Variants in TRADD observed in about 807,000 individuals in gnomAD.
TRADD encodes the protein TNFRSF1A associated via death domain, also known as tumor necrosis factor receptor type 1-associated DEATH domain protein.
A neutral mutation model predicts 31.5 loss-of-function variants in TRADD; 14 were observed. The ratio of observed to expected loss-of-function variants is 0.44; its 90% CI spans 0.29 to 0.69. TRADD has a LOEUF of 0.69. Ranked by LOEUF, TRADD falls within the 30% of genes least tolerant of loss-of-function variation. TRADD has a pLI of 0.11. For synonymous variants in TRADD, 220 were observed against 215.8 expected, an observed-to-expected ratio of 1.02 and a Z score of -0.17; for missense variants, 388 against 435.7, an observed-to-expected ratio of 0.89 and a Z score of 0.97.
At position 67,156,486 on chromosome 16, in the gene TRADD, C is replaced by G. The variant is rs772859842; in HGVS notation, c.151+24G>C. ...AATGCTCCAGGCCACCCCTTCCTCT[C>G]CACATGCCCGCCCATCCACGCACCT... On this transcript the variant is annotated intron_variant, in intron 2 of 4. Coordinates refer to ENST00000345057, the MANE Select transcript of TRADD (RefSeq NM_003789.4). This position sits in a 1 kb window ranked among gnomAD's most constrained non-coding sequence, Gnocchi z 4.6. 8.7e-6 allele frequency: 14 copies of G among 1,608,484 alleles called. No individual in the cohort carries two copies. The Admixed American group carries it at 2.3e-4, about 27-fold the overall frequency.
chr16:67,156,268 A>AG lies in TRADD; in HGVS notation c.151+241dup. The AG allele has an allele frequency of 4.1e-6, 5 of 1,220,192 alleles. No individual in the cohort carries two copies. The highest frequency in any genetic ancestry group is 4.5e-6 in the Non-Finnish European group (4 of 882,310). The allele number at this position is 1,220,192 out of a possible 1,614,324, so 75.6% of individuals were successfully genotyped here. A position where few individuals can be genotyped will look rare whatever the true frequency, so the allele number is the denominator to read the frequency against. On this transcript the variant is annotated intron_variant, in intron 2 of 4. Coordinates refer to ENST00000345057, the MANE Select transcript of TRADD (RefSeq NM_003789.4). The surrounding 1 kb of genome is among the most constrained non-coding windows in gnomAD (Gnocchi z 4.6). Reference sequence around the variant, plus strand: ...TAGAAAGGAGTGAGCCGGCTGGTGGAGGGGGGCGGGGATGGAGCAAAGGAC... The same window carrying AG: ...TAGAAAGGAGTGAGCCGGCTGGTGGAGGGGGGGCGGGGATGGAGCAAAGGAC...
intron 4 of TRADD, 42 bp downstream of exon 4, chr16:67,155,054 C>G (rs749642005): frequency 7.2e-6 from 11 of 1,538,164 alleles, no homozygotes; most frequent in Non-Finnish European, 9.6e-6. Flanking sequence ...CCTCCCCAGA[C>G]TCCAACCTCC....
In TRADD at chr16:67,156,268, A is replaced by G; in HGVS notation, c.151+242T>C. 1.6e-6 allele frequency: 2 copies of G among 1,220,192 alleles called. No homozygotes were observed. The highest frequency in any genetic ancestry group is 2.3e-6 in the Non-Finnish European group (2 of 882,310). The allele number at this position is 1,220,192 out of a possible 1,614,324, so 75.6% of individuals were successfully genotyped here. A position where few individuals can be genotyped will look rare whatever the true frequency, so the allele number is the denominator to read the frequency against. ...TAGAAAGGAGTGAGCCGGCTGGTGG[A>G]GGGGGGCGGGGATGGAGCAAAGGAC... is the stretch of plus-strand genomic sequence containing the variant. On this transcript the variant is annotated intron_variant, in intron 2 of 4. Transcript: ENST00000345057. This position sits in a 1 kb window ranked among gnomAD's most constrained non-coding sequence, Gnocchi z 4.6.
Position 67,154,203 on chromosome 16 carries a change from G to A in TRADD, c.*446C>T, listed in dbSNP as rs2030565194. 2 of 232,546 alleles carry A rather than the reference G, an allele frequency of 8.6e-6. No individual in the cohort carries two copies. Among genetic ancestry groups the A allele is most frequent in the South Asian group, 5.7e-5 (1 of 17,564 alleles). The allele number at this position is 232,546 out of a possible 1,614,324, so 14.4% of individuals were successfully genotyped here. On this transcript the variant is annotated 3_prime_UTR_variant, in exon 5 of 5. Transcript: ENST00000345057. This position sits in a 1 kb window ranked among gnomAD's most constrained non-coding sequence, Gnocchi z 5.2. The stretch of plus-strand genomic sequence containing the variant: ...ACTTGTATTTCTCACATCAAAATCC[G>A]TGTTATACTTTATTATCATTGCTTA...
At chr16:67,158,883 G>A (rs1199848954) in intron 1 of TRADD, among the ~76,000 whole-genome samples, 1 of 152,154 alleles carries the variant, frequency 6.6e-6, no homozygotes, top group Non-Finnish European at 1.5e-5. Flanking sequence ...TGACTTGAGA[G>A]TGCTTGACTT....
At position 67,155,590 on chromosome 16, in the gene TRADD, G is replaced by A; in HGVS notation, c.216C>T (p.Ile72=). The A allele has an allele frequency of 6.5e-7, 1 of 1,548,694 alleles. No individual in the cohort carries two copies. Among genetic ancestry groups the A allele is most frequent in the Non-Finnish European group, 8.7e-7 (1 of 1,154,782 alleles). ...GCCGCCCGCAGAATCGCAGCTGCAC[G>A]ATCAGCTGCGGGTCGCTGCGGTGGA... ...LKIHRSDPQL[I]VQLRFCGRQP... Residue 72 remains isoleucine, a synonymous_variant, in exon 3 of 5, where the codon ATC becomes ATT. Coordinates refer to ENST00000345057, the MANE Select transcript of TRADD (RefSeq NM_003789.4).
intron 2 of TRADD, chr16:67,155,962 C>T (rs1475436566): frequency 2.0e-5 from 29 of 1,454,244 alleles, no homozygotes; most frequent in Non-Finnish European, 2.6e-5. Flanking sequence ...GGGCGTGTGC[C>T]CTGGGCAAAC....
rs1339689186 is a variant in TRADD, at chr16:67,155,300, G to A, written c.430-6C>T. Reference sequence around the variant, plus strand: ...TCATCCCGGAGCCGGTCGGGCTAGGGGAATGGAACGTGCCGTCACGGGGGA... The same window carrying A: ...TCATCCCGGAGCCGGTCGGGCTAGGAGAATGGAACGTGCCGTCACGGGGGA... On this transcript the variant is annotated splice_polypyrimidine_tract_variant and splice_region_variant and intron_variant, in intron 3 of 4. Coordinates refer to ENST00000345057, the MANE Select transcript of TRADD (RefSeq NM_003789.4). 1.2e-6 allele frequency: 2 copies of A among 1,610,160 alleles called. No homozygotes were observed. The highest frequency in any genetic ancestry group is 2.7e-5 in the African/African-American group (2 of 74,920).
In TRADD at chr16:67,159,421, G is replaced by C. The variant is rs2030820052; in HGVS notation, c.-9+417C>G. On this transcript the variant is annotated intron_variant, in intron 1 of 4. Transcript: ENST00000345057. This position sits in a 1 kb window ranked among gnomAD's most constrained non-coding sequence, Gnocchi z 6.8. The stretch of plus-strand genomic sequence containing the variant: ...CAGAACTGAAAGCCTGTGACTCCTT[G>C]CGACCCGCCGGGCACACCCCCTACT... Among the ~76,000 whole-genome samples, 1 of 152,188 alleles carries C rather than the reference G, an allele frequency of 6.6e-6. No homozygotes were observed. The highest frequency in any genetic ancestry group is 6.5e-5 in the Admixed American group (1 of 15,282).
rs1210968864 is a variant in TRADD at position 67,155,503 on chromosome 16, C to T, written c.303G>A (p.Arg101=). The T allele has an allele frequency of 1.9e-5, 30 of 1,546,204 alleles. No homozygotes were observed. Among genetic ancestry groups the T allele is most frequent in the Non-Finnish European group, 2.6e-5 (30 of 1,153,012 alleles). The change falls in exon 3 of 5, where the codon AGG becomes AGA. Residue 101 remains arginine, a synonymous_variant. Coordinates refer to ENST00000345057, the MANE Select transcript of TRADD (RefSeq NM_003789.4). ...GCTGGGCGAGCGCGGCCGCCAGGCT[C>T]CTCTGCAGCGCGGCGCGCAGCGCCC... is the stretch of plus-strand genomic sequence containing the variant. The part of the protein sequence containing the change: ...REGALRAALQ[R]SLAAALAQHS...
chr16:67,155,920 C>A, intron 2 of TRADD: 1 of 1,514,560 alleles, frequency 6.6e-7, no homozygotes, highest in Non-Finnish European at 8.8e-7. Flanking sequence ...TGAGGGTTGG[C>A]AAAAGAGAGG....
At position 67,159,239 on chromosome 16, in the gene TRADD, T is replaced by C. The variant is rs2030811893; in HGVS notation, c.-9+599A>G. Among the ~76,000 whole-genome samples, 1 of 152,216 alleles carries C rather than the reference T, an allele frequency of 6.6e-6. No individual in the cohort carries two copies. Among genetic ancestry groups the C allele is most frequent in the Non-Finnish European group, 1.5e-5 (1 of 68,038 alleles). ...TTCCAGGCTGGGTCCTGAGAAAGTTTGGTGGCCGGAGACTGTGGGGCGCTT... is the reference window on the plus strand; with the variant it reads ...TTCCAGGCTGGGTCCTGAGAAAGTTCGGTGGCCGGAGACTGTGGGGCGCTT... On this transcript the variant is annotated intron_variant, in intron 1 of 4. Coordinates refer to ENST00000345057, the MANE Select transcript of TRADD (RefSeq NM_003789.4). The surrounding 1 kb of genome is among the most constrained non-coding windows in gnomAD (Gnocchi z 6.8).
chr16:67,158,378 C>G (rs1194895340), intron 1 of TRADD, among the ~76,000 whole-genome samples: 1 of 152,176 alleles, frequency 6.6e-6, no homozygotes, highest in Non-Finnish European at 1.5e-5. Context: ...GTTGCCCAGG[C>G]TGGTCTCAAA....
chr16:67,157,986 T>C (rs1301145871), intron 1 of TRADD, among the ~76,000 whole-genome samples: 1 of 131,112 alleles, frequency 7.6e-6, no homozygotes, highest in Non-Finnish European at 1.5e-5. Context: ...ACTCCTGTAC[T>C]CTCATCAGGG....
rs2030570997 is a variant in TRADD, at chr16:67,154,367, G to C, written c.*282C>G. On this transcript the variant is annotated 3_prime_UTR_variant, in exon 5 of 5. Transcript: ENST00000345057. This position sits in a 1 kb window ranked among gnomAD's most constrained non-coding sequence, Gnocchi z 5.2. ...GGTGCTTCATGAGTGAAACTGTAAG[G>C]GCTGGCTGTAAGCCCCGCTTCTGGG... 2 of 558,736 alleles carry C rather than the reference G, an allele frequency of 3.6e-6. No homozygotes were observed. Among genetic ancestry groups the C allele is most frequent in the African/African-American group, 3.8e-5 (2 of 53,006 alleles). 34.6% of individuals were successfully genotyped at this position (558,736 alleles called of 1,614,324 possible). A position where few individuals can be genotyped will look rare whatever the true frequency, so the allele number is the denominator to read the frequency against.
Position 67,154,861 on chromosome 16 carries a change from C to A in TRADD, c.727G>T (p.Ala243Ser). ...GAGTCCAGCGCCGGGTCCCGCAGCG[C>A]CCGGCAGCCTCGCTGCAGTGAGCGC... ...VGRSLQRGCR[A>S]LRDPALDSLA... The change falls in exon 5 of 5, where the codon GCG (alanine) becomes TCG (serine). Residue 243 changes from alanine (A) to serine (S), a missense_variant. Physicochemically the swap from Ala to Ser is moderately conservative, Grantham distance 99. Transcript: ENST00000345057. This position sits in a 1 kb window ranked among gnomAD's most constrained non-coding sequence, Gnocchi z 5.2. The A allele has an allele frequency of 6.3e-7, 1 of 1,597,278 alleles. No individual in the cohort carries two copies. The highest frequency in any genetic ancestry group is 1.1e-5 in the South Asian group (1 of 88,884).
chr16:67,159,869 GCCC>G lies in TRADD; in HGVS notation c.-43_-41del, dbSNP rs2030841229. The G allele has an allele frequency of 1.3e-5, 2 of 152,152 alleles. No individual in the cohort carries two copies. Among genetic ancestry groups the G allele is most frequent in the Admixed American group, 1.3e-4 (2 of 15,282 alleles). 9.4% of individuals were successfully genotyped at this position (152,152 alleles called of 1,614,324 possible). ...GCCTCGGCGGGGCCTGGGTTCCCAC[GCCC>G]GCCAGGCTCCGCTCTACTCCGCCGC... is the stretch of plus-strand genomic sequence containing the variant. On this transcript the variant is annotated 5_prime_UTR_variant, in exon 1 of 5. Coordinates refer to ENST00000345057, the MANE Select transcript of TRADD (RefSeq NM_003789.4). The surrounding 1 kb of genome is among the most constrained non-coding windows in gnomAD (Gnocchi z 6.8).
At position 67,154,663 on chromosome 16, in the gene TRADD, C is replaced by T; in HGVS notation, c.925G>A (p.Gly309Ser). 1 of 1,612,774 alleles carries T rather than the reference C, an allele frequency of 6.2e-7. No homozygotes were observed. Among genetic ancestry groups the T allele is most frequent in the Non-Finnish European group, 8.5e-7 (1 of 1,179,918 alleles). ...EDLLGLTDPN[G>S]GLA Reference sequence around the variant, plus strand: ...GCACCCCTGGTCTAGGCCAGGCCGCCATTGGGATCGGTCAGGCCCAGCAAG... The same window carrying T: ...GCACCCCTGGTCTAGGCCAGGCCGCTATTGGGATCGGTCAGGCCCAGCAAG... Residue 309 changes from glycine (G) to serine (S), a missense_variant, in exon 5 of 5, where the codon GGC becomes AGC. Gly to Ser is a moderately conservative substitution (Grantham distance 56). Coordinates refer to ENST00000345057, the MANE Select transcript of TRADD (RefSeq NM_003789.4). The surrounding 1 kb of genome is among the most constrained non-coding windows in gnomAD (Gnocchi z 5.2).
chr16:67,159,288 C>T lies in TRADD; in HGVS notation c.-9+550G>A, dbSNP rs1264255539. On this transcript the variant is annotated intron_variant, in intron 1 of 4. Coordinates refer to ENST00000345057, the MANE Select transcript of TRADD (RefSeq NM_003789.4). The surrounding 1 kb of genome is among the most constrained non-coding windows in gnomAD (Gnocchi z 6.8). ...TTAGGTACCGACCTAACAACTTCTG[C>T]GCCTGTTTCCAGGGACGAGCCACGC... Among the ~76,000 whole-genome samples, 1 of 152,218 alleles carries T rather than the reference C, an allele frequency of 6.6e-6. No homozygotes were observed. The highest frequency in any genetic ancestry group is 1.5e-5 in the Non-Finnish European group (1 of 68,030).
Sources: gnomAD v4.1 joint callset for allele counts (sites outside exome capture counted in the v4.1 genomes callset) on GRCh38, gnomAD v4.1.1 for gene constraint, Gnocchi (gnomAD v3.1) non-coding constraint, MANE v1.5 for transcripts, NCBI Gene and HGNC (gene_info 2026-07-23, HGNC 2026-07-21) for gene names.